TBC1D23: variants seen among roughly 807,000 people sequenced by gnomAD.
TBC1D23 encodes TBC1 domain family member 23, also known as HCV non-structural protein 4A-transactivated protein 1.
In TBC1D23, 55 loss-of-function variants were observed where a neutral mutation model predicts 91.4. The ratio of observed to expected loss-of-function variants is 0.60; its 90% CI spans 0.48 to 0.75. The LOEUF (loss-of-function observed/expected upper bound fraction) is 0.75. Among genes scored for constraint, TBC1D23 ranks in the 30% least tolerant of loss-of-function variants. The pLI, the probability that TBC1D23 is intolerant of heterozygous loss-of-function variation, is 0.00. For synonymous variants in TBC1D23, 289 were observed against 281.0 expected, an observed-to-expected ratio of 1.03 and a Z score of -0.28; for missense variants, 725 against 836.1, an observed-to-expected ratio of 0.87 and a Z score of 1.64.
At position 100,297,848 on chromosome 3, in the gene TBC1D23, G is replaced by A. The variant is rs1030218895; in HGVS notation, c.877-75G>A. On this transcript the variant is annotated intron_variant, in intron 8 of 18. Transcript: ENST00000394144. Reference sequence around the variant, plus strand: ...GTATTATAATTTTACCTTTTATCATGGTTTAATAAGAATATTTTTAGGAAG... The same window carrying A: ...GTATTATAATTTTACCTTTTATCATAGTTTAATAAGAATATTTTTAGGAAG... The A allele has an allele frequency of 2.3e-6, 3 of 1,281,646 alleles. No homozygotes were observed. The African/African-American group carries it at 4.5e-5, about 19-fold the overall frequency. The allele number at this position is 1,281,646 out of a possible 1,614,324, so 79.4% of individuals were successfully genotyped here. A position where few individuals can be genotyped will look rare whatever the true frequency, so the allele number is the denominator to read the frequency against.
intron 1 of TBC1D23, 159 bp from the exon 2 acceptor site, chr3:100,279,490 C>T (rs2067677424): frequency 2.2e-6 from 1 of 463,296 alleles, no homozygotes. Context: ...TGAGATTTCC[C>T]ACAAGAAAAC....
At chr3:100,274,740 G>T (rs2067630591) in intron 1 of TBC1D23, among the ~76,000 whole-genome samples, 1 of 147,796 alleles carries the variant, frequency 6.8e-6, no homozygotes, top group African/African-American at 2.5e-5. Flanking sequence ...TCCCTTTTTA[G>T]GCTGTATAAT....
At chr3:100,315,311 C>T (rs1002109181) in intron 15 of TBC1D23, among the ~76,000 whole-genome samples, 3 of 151,814 alleles carry the variant, frequency 2.0e-5, no homozygotes, top group East Asian at 1.9e-4. Context: ...TACAGGCATG[C>T]GCCACCATGC....
intron 10 of TBC1D23, among the ~76,000 whole-genome samples, chr3:100,299,755 C>G (rs549029806): frequency 6.2e-4 from 95 of 152,358 alleles, no homozygotes; most frequent in African/African-American, 2.2e-3. Context: ...AGGTGATCCC[C>G]CTGCCTCAGC....
chr3:100,299,614 A>G (rs1705380077), intron 10 of TBC1D23, among the ~76,000 whole-genome samples: 1 of 152,046 alleles, frequency 6.6e-6, no homozygotes, highest in Admixed American at 6.5e-5. Flanking sequence ...GGTTCAAGCT[A>G]TTCTCCTGCC....
At position 100,316,119 on chromosome 3, in the gene TBC1D23, G is replaced by C. The variant is rs777808701; in HGVS notation, c.1619G>C (p.Arg540Thr). 1 of 1,614,036 alleles carries C rather than the reference G, an allele frequency of 6.2e-7. No homozygotes were observed. The change falls in exon 16 of 19, where the codon AGA becomes ACA. Residue 540 changes from arginine (R) to threonine (T), a missense_variant. By Grantham distance (71) the Arg-to-Thr change is moderately conservative. Coordinates refer to ENST00000394144, the MANE Select transcript of TBC1D23 (RefSeq NM_001199198.3). ...TATAGGCATGTGAGCAGCAGTGACA[G>C]AGTGGGCAAGCCTTACCGTGGCGTA... Reference protein sequence around the residue: ...CTERHVSSSDRVGKPYRGVKP... With the variant: ...CTERHVSSSDTVGKPYRGVKP...
intron 3 of TBC1D23, among the ~76,000 whole-genome samples, chr3:100,283,124 G>A (rs539774116): frequency 6.6e-6 from 1 of 152,300 alleles, no homozygotes; most frequent in African/African-American, 2.4e-5. Flanking sequence ...TATAATCCCA[G>A]CACTTTGGGA....
intron 10 of TBC1D23, 79 bp downstream of exon 10, chr3:100,299,410 T>C (rs540968719): frequency 2.9e-5 from 23 of 791,818 alleles, no homozygotes; most frequent in Non-Finnish European, 4.5e-5. Context: ...AGGTCCCAGA[T>C]TGGGGAATTT....
intron 3 of TBC1D23, among the ~76,000 whole-genome samples, chr3:100,282,893 A>G (rs1476517034): frequency 3.3e-5 from 5 of 152,146 alleles, no homozygotes; most frequent in East Asian, 1.9e-4. Context: ...CAGATTGGCC[A>G]TTCTTATGTT....
chr3:100,276,959 T>C (rs777020183), intron 1 of TBC1D23, among the ~76,000 whole-genome samples: 4 of 152,212 alleles, frequency 2.6e-5, no homozygotes, highest in Non-Finnish European at 5.9e-5. Flanking sequence ...AGCCTGTACT[T>C]TTCTGTTTTA....
At chr3:100,290,879 G>A (rs1166783619) in intron 5 of TBC1D23, among the ~76,000 whole-genome samples, 178 bp downstream of exon 5, 3 of 151,790 alleles carry the variant, frequency 2.0e-5, no homozygotes, top group Non-Finnish European at 2.9e-5. Flanking sequence ...CTTCACTCAT[G>A]TTAGTTCAGC....
At chr3:100,271,179 A>G (rs1217358235) in intron 1 of TBC1D23, among the ~76,000 whole-genome samples, 1 of 152,072 alleles carries the variant, frequency 6.6e-6, no homozygotes, top group Non-Finnish European at 1.5e-5. Context: ...AGTGGTCCCT[A>G]TGGAGTGGTG....
chr3:100,295,044 A>G lies in TBC1D23; in HGVS notation c.601-43A>G, dbSNP rs569638676. 8.5e-4 allele frequency: 1,293 copies of G among 1,518,322 alleles called. 18 individuals carry two copies. The South Asian group carries it at 0.017, about 20-fold the overall frequency. The allele number at this position is 1,518,322 out of a possible 1,614,324, so 94.1% of individuals were successfully genotyped here. A position where few individuals can be genotyped will look rare whatever the true frequency, so the allele number is the denominator to read the frequency against. The stretch of plus-strand genomic sequence containing the variant: ...TTTAATACTTTTAAGAGAACAAGTC[A>G]CCTCCAGTGGTTTATGTCTCTCATT... On this transcript the variant is annotated intron_variant, in intron 5 of 18. Coordinates refer to ENST00000394144, the MANE Select transcript of TBC1D23 (RefSeq NM_001199198.3).
chr3:100,280,911 G>A (rs2067688572), intron 2 of TBC1D23, among the ~76,000 whole-genome samples: 1 of 152,194 alleles, frequency 6.6e-6, no homozygotes, highest in South Asian at 2.1e-4. Context: ...TGTAATCCCA[G>A]CACTTTGGGA....
chr3:100,310,313 C>G, intron 13 of TBC1D23, 90 bp from the exon 14 acceptor site: 4 of 1,152,184 alleles, frequency 3.5e-6, no homozygotes, highest in Non-Finnish European at 4.9e-6. Context: ...GGTGGGATTG[C>G]AATTCAGTCT....
Position 100,306,578 on chromosome 3 carries a change from G to T in TBC1D23, c.1413+35G>T, listed in dbSNP as rs1223901999. 2.3e-6 allele frequency: 3 copies of T among 1,329,162 alleles called. No individual in the cohort carries two copies. The South Asian group carries it at 3.6e-5, about 16-fold the overall frequency. The allele number at this position is 1,329,162 out of a possible 1,614,324, so 82.3% of individuals were successfully genotyped here. ...TGTAGAGAATATGTTACCGGATTTGGATAAGTTCCCAGAAAAGGTGATTAA... is the reference window on the plus strand; with the variant it reads ...TGTAGAGAATATGTTACCGGATTTGTATAAGTTCCCAGAAAAGGTGATTAA... On this transcript the variant is annotated intron_variant, in intron 13 of 18. Coordinates refer to ENST00000394144, the MANE Select transcript of TBC1D23 (RefSeq NM_001199198.3).
intron 1 of TBC1D23, among the ~76,000 whole-genome samples, chr3:100,278,356 A>T (rs1486769017): frequency 6.6e-6 from 1 of 151,678 alleles, no homozygotes; most frequent in Non-Finnish European, 1.5e-5. Flanking sequence ...CTGAAACCTC[A>T]GTTTTTGAAA....
At chr3:100,313,010 A>AAATAATAATAAT (rs3081898) in intron 15 of TBC1D23, among the ~76,000 whole-genome samples, 1 of 149,332 alleles carries the variant, frequency 6.7e-6, no homozygotes, top group Admixed American at 6.7e-5. Context: ...GCGTCTCAAA[A>AAATAATAATAAT]AATAATAATA....
At chr3:100,269,241 G>T (rs1426296128) in intron 1 of TBC1D23, among the ~76,000 whole-genome samples, 1 of 152,186 alleles carries the variant, frequency 6.6e-6, no homozygotes, top group Non-Finnish European at 1.5e-5. Flanking sequence ...CTTGGCTCAA[G>T]ATCCTGATTA....
Sources: gnomAD v4.1 joint callset for allele counts (sites outside exome capture counted in the v4.1 genomes callset) on GRCh38, gnomAD v4.1.1 for gene constraint, MANE v1.5 for transcripts, NCBI Gene and HGNC (gene_info 2026-07-23, HGNC 2026-07-21) for gene names.